Variants in DLGAP4 observed in about 807,000 individuals in gnomAD.
DLGAP4 encodes disks large-associated protein 4.
Under a neutral mutation model 86.9 loss-of-function variants are expected in DLGAP4, and 18 were observed. The ratio of observed to expected loss-of-function variants is 0.21; its 90% confidence interval spans 0.14 to 0.31. The LOEUF is 0.31. DLGAP4 is among the 10% of genes least tolerant of loss of function. DLGAP4 has a pLI of 1.00. For missense variants in DLGAP4, 1,085 were observed against 1,362.6 expected, an observed-to-expected ratio of 0.80 and a Z score of 3.21; for synonymous variants, 548 against 574.3, an observed-to-expected ratio of 0.95 and a Z score of 0.65.
chr20:36,340,936 C>T (rs1043359251), intron 1 of DLGAP4, among the ~76,000 whole-genome samples: 12 of 152,212 alleles, frequency 7.9e-5, no homozygotes, highest in African/African-American at 2.9e-4. Flanking sequence ...AGGTCACATG[C>T]CAGCAAGTTG....
chr20:36,440,636 C>T lies in DLGAP4; in HGVS notation c.1356+768C>T, dbSNP rs544275731. 2.0e-5 allele frequency among the ~76,000 whole-genome samples: 3 copies of T among 152,252 alleles called. No homozygotes were observed. The South Asian group carries it at 6.2e-4, about 32-fold the overall frequency. On this transcript the variant is annotated intron_variant, in intron 5 of 12. Transcript: ENST00000339266. ...AAGTCATCATGCAGCTAGGAGAAGA[C>T]AAAGTTGGGCAGGGATCTGGGGCTG...
At chr20:36,522,318 C>T (rs1016446817) in intron 10 of DLGAP4, among the ~76,000 whole-genome samples, 3 of 151,988 alleles carry the variant, frequency 2.0e-5, no homozygotes. Flanking sequence ...ACTACCACAC[C>T]CAGCTAATTT....
In DLGAP4 at chr20:36,342,208, CCTT is replaced by C. The variant is rs1291010193; in HGVS notation, c.-303-24834_-303-24832del. Reference sequence around the variant, plus strand: ...GCTGTGTGGTCTTGGGCAAGTCACTCCTTCTCTCTGTGCCTCAGACTCCTCTTT... The same window carrying C: ...GCTGTGTGGTCTTGGGCAAGTCACTCCTCTCTGTGCCTCAGACTCCTCTTT... On this transcript the variant is annotated intron_variant, in intron 1 of 12. Transcript: ENST00000339266. Among the ~76,000 whole-genome samples, 5 of 152,178 alleles carry C rather than the reference CCTT, an allele frequency of 3.3e-5. No homozygotes were observed. In the South Asian group the frequency reaches 1.0e-3, roughly 32 times the overall value.
At chr20:36,496,494 T>A (rs1444514155) in intron 7 of DLGAP4, among the ~76,000 whole-genome samples, 5 of 152,222 alleles carry the variant, frequency 3.3e-5, no homozygotes, top group African/African-American at 4.8e-5. Flanking sequence ...AGACTTTGTC[T>A]CGAATGAGGG....
At chr20:36,472,501 A>C (rs1164507648) in intron 7 of DLGAP4, among the ~76,000 whole-genome samples, 5 of 111,630 alleles carry the variant, frequency 4.5e-5, no homozygotes, top group Admixed American at 3.4e-4. Flanking sequence ...ACCCTGTCTC[A>C]AAAAAAAAAA....
intron 10 of DLGAP4, among the ~76,000 whole-genome samples, chr20:36,518,935 G>A (rs1046704254): frequency 6.6e-6 from 1 of 152,030 alleles, no homozygotes; most frequent in Non-Finnish European, 1.5e-5. Flanking sequence ...GGTCAACATC[G>A]TGAAACCCCC....
In DLGAP4 at chr20:36,379,054, C is replaced by G. The variant is rs1384706532; in HGVS notation, c.-73+11779C>G. On this transcript the variant is annotated intron_variant, in intron 2 of 12. Coordinates refer to ENST00000339266, the MANE Select transcript of DLGAP4 (RefSeq NM_001365621.2). ...AGCTAGCGACACTCTGGGTGATGCT[C>G]AAATAGCCCCAGGTGCCAAGAGAGA... Among the ~76,000 whole-genome samples the G allele has an allele frequency of 3.9e-5, 6 of 152,160 alleles. No individual in the cohort carries two copies. The East Asian group carries it at 9.7e-4, about 24-fold the overall frequency.
At chr20:36,497,241 G>T (rs2035928318) in intron 8 of DLGAP4, 175 bp downstream of exon 8, 2 of 985,286 alleles carry the variant, frequency 2.0e-6, no homozygotes, top group African/African-American at 1.7e-5. Flanking sequence ...CGCCTCGCTG[G>T]TATCTGTCCA....
intron 12 of DLGAP4, 94 bp downstream of exon 12, chr20:36,526,100 C>T: frequency 6.4e-7 from 1 of 1,572,372 alleles, no homozygotes; most frequent in Non-Finnish European, 8.7e-7. Flanking sequence ...TGGCTCCCTT[C>T]TCCGTGTGTC....
rs563535108 is a variant in DLGAP4 at position 36,438,813 on chromosome 20, A to G, written c.1242-941A>G. Among the ~76,000 whole-genome samples the G allele has an allele frequency of 7.4e-5, 11 of 148,960 alleles. No individual in the cohort carries two copies. In the East Asian group the frequency reaches 1.4e-3, roughly 19 times the overall value. ...AACCTCCACCTCCCGGGTTCAAGCAATTCTCCTGCCTCAGCCTCCCGAGTA... is the reference window on the plus strand; with the variant it reads ...AACCTCCACCTCCCGGGTTCAAGCAGTTCTCCTGCCTCAGCCTCCCGAGTA... On this transcript the variant is annotated intron_variant, in intron 4 of 12. Coordinates refer to ENST00000339266, the MANE Select transcript of DLGAP4 (RefSeq NM_001365621.2).
chr20:36,360,746 A>C (rs1194539913), intron 1 of DLGAP4, among the ~76,000 whole-genome samples: 1 of 141,692 alleles, frequency 7.1e-6, no homozygotes, highest in Admixed American at 7.0e-5. Flanking sequence ...TGAGCAGAGC[A>C]TGGGGGGCTG....
At chr20:36,348,887 G>A (rs2030035465) in intron 1 of DLGAP4, among the ~76,000 whole-genome samples, 1 of 150,278 alleles carries the variant, frequency 6.7e-6, no homozygotes, top group South Asian at 2.1e-4. Context: ...GATCACCTGA[G>A]GTCAGGAGTT....
chr20:36,364,701 C>T (rs1185123652), intron 1 of DLGAP4, among the ~76,000 whole-genome samples: 1 of 152,124 alleles, frequency 6.6e-6, no homozygotes, highest in Non-Finnish European at 1.5e-5. Context: ...CACTTAGCAT[C>T]ACATTTCAAA....
At chr20:36,370,874 G>A (rs1381310604) in intron 2 of DLGAP4, among the ~76,000 whole-genome samples, 1 of 152,184 alleles carries the variant, frequency 6.6e-6, no homozygotes, top group Non-Finnish European at 1.5e-5. Context: ...CCATCCAGGT[G>A]AGACAGGGTC....
chr20:36,514,197 C>G (rs1396132495), intron 10 of DLGAP4, among the ~76,000 whole-genome samples: 1 of 152,094 alleles, frequency 6.6e-6, no homozygotes, highest in East Asian at 1.9e-4. Context: ...GAAGGGCTCA[C>G]CAAGCCAGAT....
At chr20:36,311,874 A>G (rs2065056566) in intron 1 of DLGAP4, among the ~76,000 whole-genome samples, 3 of 152,178 alleles carry the variant, frequency 2.0e-5, no homozygotes, top group Non-Finnish European at 4.4e-5. Flanking sequence ...TCTTAGCCCC[A>G]TGTTCTGGGG....
intron 10 of DLGAP4, among the ~76,000 whole-genome samples, chr20:36,516,472 C>A (rs1319418273): frequency 1.3e-5 from 2 of 151,882 alleles, no homozygotes; most frequent in Admixed American, 6.6e-5. Context: ...TCGAGACCAG[C>A]CTGGGCAACA....
chr20:36,516,691 A>T (rs1487492315), intron 10 of DLGAP4, among the ~76,000 whole-genome samples: 1 of 151,146 alleles, frequency 6.6e-6, no homozygotes, highest in African/African-American at 2.4e-5. Context: ...AAAAAAAAAA[A>T]TTGACAGTAC....
intron 7 of DLGAP4, among the ~76,000 whole-genome samples, chr20:36,477,105 T>G (rs2034979915): frequency 6.6e-6 from 1 of 150,544 alleles, no homozygotes; most frequent in African/African-American, 2.5e-5. Context: ...TTCTCTTTTT[T>G]CTTTTTTTTT....
Sources: allele counts gnomAD v4.1 joint callset (sites outside exome capture counted in the v4.1 genomes callset), GRCh38; gene constraint gnomAD v4.1.1; transcripts MANE v1.5; gene names NCBI Gene and HGNC (gene_info 2026-07-23, HGNC 2026-07-21).